Variants in RPS6KA5 observed in about 807,000 individuals in gnomAD.
RPS6KA5 encodes the protein ribosomal protein S6 kinase alpha-5.
RPS6KA5 carries 27 observed loss-of-function variants against 85.5 expected under a neutral mutation model. The ratio of observed to expected loss-of-function variants is 0.32; its 90% CI spans 0.23 to 0.44. The LOEUF (loss-of-function observed/expected upper bound fraction) is 0.44, where lower values mean the gene tolerates loss of function less well. Among genes scored for constraint, RPS6KA5 ranks in the 20% least tolerant of loss-of-function variants. RPS6KA5 has a pLI of 1.00. For missense variants in RPS6KA5, 811 were observed against 980.9 expected (o/e 0.83, Z 2.31); for synonymous variants, 334 against 348.2 (o/e 0.96, Z 0.46).
At chr14:90,979,071 C>A (rs747709162) in intron 2 of RPS6KA5, among the ~76,000 whole-genome samples, 8 of 152,212 alleles carry the variant, frequency 5.3e-5, no homozygotes, top group African/African-American at 7.2e-5. Flanking sequence ...TCCTAAACTG[C>A]ATACAATACG....
intron 5 of RPS6KA5, among the ~76,000 whole-genome samples, chr14:90,935,804 G>GTT (rs2037222186): frequency 6.6e-6 from 1 of 152,126 alleles, no homozygotes; most frequent in Non-Finnish European, 1.5e-5. Context: ...TCGTGTTAAT[G>GTT]ATCTGTTTTG....
In RPS6KA5 at chr14:90,850,666, C is replaced by T. The variant is rs2031959442; in HGVS notation, c.*21408G>A. On this transcript the variant is annotated 3_prime_UTR_variant, in exon 17 of 17. Coordinates refer to ENST00000614987, the MANE Select transcript of RPS6KA5 (RefSeq NM_004755.4). ...TTCCCAAAAAGTTTTCAGGAAAAGG[C>T]TGCACAAGCACCTGTTGGTGAGGTC... is the stretch of plus-strand genomic sequence containing the variant. 6.6e-6 allele frequency: 1 copy of T among 152,238 alleles called. No individual in the cohort carries two copies. Among genetic ancestry groups the T allele is most frequent in the Non-Finnish European group, 1.5e-5 (1 of 68,046 alleles). The allele number at this position is 152,238 out of a possible 1,614,324, so 9.4% of individuals were successfully genotyped here. A position where few individuals can be genotyped will look rare whatever the true frequency, so the allele number is the denominator to read the frequency against.
chr14:90,946,629 C>T (rs551392135), intron 4 of RPS6KA5, among the ~76,000 whole-genome samples: 1 of 152,160 alleles, frequency 6.6e-6, no homozygotes, highest in South Asian at 2.1e-4. Flanking sequence ...TAGTGTAGGA[C>T]CTGAATATAA....
At chr14:90,987,348 T>C (rs1297005902) in intron 2 of RPS6KA5, among the ~76,000 whole-genome samples, 1 of 150,622 alleles carries the variant, frequency 6.6e-6, no homozygotes, top group East Asian at 2.0e-4. Context: ...ACCAAAGTAT[T>C]TTTCCCTCTA....
At chr14:90,904,910 G>A (rs2035420140) in intron 8 of RPS6KA5, among the ~76,000 whole-genome samples, 1 of 152,124 alleles carries the variant, frequency 6.6e-6, no homozygotes, top group Non-Finnish European at 1.5e-5. Context: ...AAAGATCCTA[G>A]GAAAATATGA....
chr14:91,041,889 G>A (rs1406822862), intron 1 of RPS6KA5, among the ~76,000 whole-genome samples: 1 of 152,226 alleles, frequency 6.6e-6, no homozygotes, highest in African/African-American at 2.4e-5. Context: ...GAGCCAGTAT[G>A]AAAGCTGAGT....
At chr14:90,988,381 G>A (rs994231475) in intron 2 of RPS6KA5, among the ~76,000 whole-genome samples, 5 of 152,170 alleles carry the variant, frequency 3.3e-5, no homozygotes, top group African/African-American at 1.2e-4. Flanking sequence ...AAACAAAATA[G>A]CTAAAACTTA....
chr14:91,016,031 G>A (rs2139767298), intron 1 of RPS6KA5, among the ~76,000 whole-genome samples: 1 of 152,270 alleles, frequency 6.6e-6, no homozygotes, highest in East Asian at 1.9e-4. Context: ...GGGACTTAGA[G>A]GCACTAGAGA....
intron 1 of RPS6KA5, among the ~76,000 whole-genome samples, chr14:91,050,684 C>T (rs989712800): frequency 3.9e-5 from 6 of 152,184 alleles, no homozygotes; most frequent in African/African-American, 1.4e-4. Context: ...CCGCCTCAGC[C>T]TCCCAAAGTG....
chr14:90,950,124 G>C (rs2038096046), intron 3 of RPS6KA5, among the ~76,000 whole-genome samples: 3 of 152,116 alleles, frequency 2.0e-5, no homozygotes, highest in Admixed American at 2.0e-4. Context: ...GCAATGTTTT[G>C]TAGTTTTCAG....
rs534780158 is a variant in RPS6KA5, at chr14:90,972,819, G to T, written c.394+5487C>A. On this transcript the variant is annotated intron_variant, in intron 3 of 16. Coordinates refer to ENST00000614987, the MANE Select transcript of RPS6KA5 (RefSeq NM_004755.4). Reference sequence around the variant, plus strand: ...ACTCAAAAAAATACATGGGAAACGGGAAAGTATTTACAATGCCTACCAGAA... The same window carrying T: ...ACTCAAAAAAATACATGGGAAACGGTAAAGTATTTACAATGCCTACCAGAA... 4.6e-5 allele frequency among the ~76,000 whole-genome samples: 7 copies of T among 152,184 alleles called. No homozygotes were observed. The South Asian group carries it at 1.5e-3, about 32-fold the overall frequency.
At position 90,872,219 on chromosome 14, in the gene RPS6KA5, G is replaced by A. The variant is rs759980356; in HGVS notation, c.2264C>T (p.Thr755Met). Reference sequence around the variant, plus strand: ...GGAACTCTCACTGGAACTGCTGCGCGTCTCGGTACTGGTGCTAGTCTTTTT... The same window carrying A: ...GGAACTCTCACTGGAACTGCTGCGCATCTCGGTACTGGTGCTAGTCTTTTT... ...KMKKTSTSTE[T>M]RSSSSESSHS... is the part of the protein sequence containing the mutation. Residue 755 changes from threonine (T) to methionine (M), a missense_variant, in exon 17 of 17, where the codon ACG becomes ATG. Thr to Met is a moderately conservative substitution (Grantham distance 81, BLOSUM62 -1). This residue lies in a region of RPS6KA5 where 650 missense variants were observed against 793.4 expected (regional missense o/e 0.82). Transcript: ENST00000614987. 7 of 1,614,040 alleles carry A rather than the reference G, an allele frequency of 4.3e-6. No homozygotes were observed. The highest frequency in any genetic ancestry group is 5.9e-6 in the Non-Finnish European group (7 of 1,180,016).
At chr14:90,958,348 G>A (rs1474131071) in intron 3 of RPS6KA5, among the ~76,000 whole-genome samples, 1 of 152,148 alleles carries the variant, frequency 6.6e-6, no homozygotes, top group African/African-American at 2.4e-5. Context: ...CATAAATATG[G>A]TGTATCTCCA....
chr14:90,978,901 T>A (rs1378979982), intron 2 of RPS6KA5, among the ~76,000 whole-genome samples: 1 of 152,198 alleles, frequency 6.6e-6, no homozygotes, highest in African/African-American at 2.4e-5. Context: ...ATATATTTAT[T>A]ACTGATGTAG....
At chr14:90,989,911 C>T (rs759519701) in intron 2 of RPS6KA5, among the ~76,000 whole-genome samples, 11 of 151,996 alleles carry the variant, frequency 7.2e-5, no homozygotes, top group African/African-American at 2.4e-4. Flanking sequence ...CAGGGATGAT[C>T]GTAAGAGCTT....
At chr14:90,973,268 C>T (rs938309404) in intron 3 of RPS6KA5, among the ~76,000 whole-genome samples, 10 of 152,122 alleles carry the variant, frequency 6.6e-5, no homozygotes, top group African/African-American at 2.4e-4. Flanking sequence ...TGGTGAAACC[C>T]TGTCTCTACT....
chr14:91,016,687 T>G (rs1331510708), intron 1 of RPS6KA5, among the ~76,000 whole-genome samples: 1 of 152,104 alleles, frequency 6.6e-6, no homozygotes, highest in African/African-American at 2.4e-5. Flanking sequence ...GAAAGTGGTA[T>G]ACACTCGGTT....
intron 1 of RPS6KA5, among the ~76,000 whole-genome samples, chr14:91,059,234 G>A (rs2043499228): frequency 1.5e-5 from 2 of 133,852 alleles, no homozygotes; most frequent in South Asian, 4.6e-4. Context: ...TAGCTACTCC[G>A]GAGGCTGAGG....
intron 5 of RPS6KA5, among the ~76,000 whole-genome samples, chr14:90,927,937 C>CTTTTT (rs386382140): frequency 1.9e-4 from 26 of 136,462 alleles, no homozygotes; most frequent in Non-Finnish European, 2.7e-4. Context: ...CTTTTCTTTT[C>CTTTTT]TTTTTTTTTT....
Sources: allele counts gnomAD v4.1 joint callset (sites outside exome capture counted in the v4.1 genomes callset), GRCh38; gene constraint gnomAD v4.1.1; regional missense constraint gnomAD v4.1.1; transcripts MANE v1.5; gene names NCBI Gene and HGNC (gene_info 2026-07-23, HGNC 2026-07-21).